CNTN3: variants seen among roughly 807,000 people sequenced by gnomAD.
The protein encoded by CNTN3 is contactin 3.
A neutral mutation model predicts 119.1 loss-of-function variants in CNTN3; 60 were observed. That is an observed-to-expected ratio of 0.50 (90% CI 0.41 to 0.62). The LOEUF (loss-of-function observed/expected upper bound fraction) is 0.62, where lower values mean the gene tolerates loss of function less well. CNTN3 is among the 20% of genes least tolerant of loss of function. CNTN3 has a pLI of 0.00. For missense variants in CNTN3, 1,101 were observed against 1,242.4 expected, an observed-to-expected ratio of 0.89 and a Z score of 1.71; for synonymous variants, 450 against 438.7, an observed-to-expected ratio of 1.03 and a Z score of -0.32.
rs572357896 is a variant in CNTN3 at position 74,549,562 on chromosome 3, T to A, written c.-80-28370A>T. Among the ~76,000 whole-genome samples, 10 of 151,768 alleles carry A rather than the reference T, an allele frequency of 6.6e-5. 1 individual carries two copies. The South Asian group carries it at 2.1e-3, about 32-fold the overall frequency. Reference sequence around the variant, plus strand: ...TGCCTCCTAGCTGGACTTTTTTTTTTAAATGGGTTCGGTGATCTGGGGCTT... The same window carrying A: ...TGCCTCCTAGCTGGACTTTTTTTTTAAAATGGGTTCGGTGATCTGGGGCTT... On this transcript the variant is annotated intron_variant, in intron 1 of 22. Transcript: ENST00000263665.
chr3:74,458,173 T>C (rs1213848481), intron 4 of CNTN3, among the ~76,000 whole-genome samples: 3 of 151,882 alleles, frequency 2.0e-5, no homozygotes, highest in Non-Finnish European at 2.9e-5. Flanking sequence ...TAGGAAGAGG[T>C]CTAGGAACAC....
chr3:74,314,105 G>C (rs1702767653), intron 13 of CNTN3, among the ~76,000 whole-genome samples: 2 of 152,072 alleles, frequency 1.3e-5, no homozygotes, highest in African/African-American at 4.8e-5. Flanking sequence ...CACTACTGTG[G>C]GAGTTAGGAT....
intron 11 of CNTN3, among the ~76,000 whole-genome samples, chr3:74,344,864 C>T (rs533749722): frequency 6.4e-4 from 88 of 136,736 alleles, no homozygotes; most frequent in African/African-American, 2.9e-3. Context: ...CATATGTATA[C>T]GTATACACAC....
At chr3:74,356,367 G>T (rs1381627258) in intron 11 of CNTN3, among the ~76,000 whole-genome samples, 1 of 151,918 alleles carries the variant, frequency 6.6e-6, no homozygotes, top group African/African-American at 2.4e-5. Flanking sequence ...TTTCTTCCTG[G>T]AATACTCTTC....
intron 2 of CNTN3, 48 bp from the exon 3 acceptor site, chr3:74,499,833 T>G: frequency 6.5e-7 from 1 of 1,533,690 alleles, no homozygotes; most frequent in African/African-American, 1.4e-5. Context: ...TAAAAGGCAT[T>G]GTAAAAAGTT....
rs1702088974 is a variant in CNTN3 at position 74,285,302 on chromosome 3, T to TA, written c.2704+2dup. 6.2e-7 allele frequency: 1 copy of TA among 1,600,938 alleles called. No homozygotes were observed. The highest frequency in any genetic ancestry group is 8.5e-7 in the Non-Finnish European group (1 of 1,175,456). ...CCATTCAAAGAAATCAGAATATACT[T>TA]ACGCGTTTTCTTGGTGGTTACATTA... On this transcript the variant is annotated splice_region_variant and intron_variant, in intron 20 of 22. Coordinates refer to ENST00000263665, the MANE Select transcript of CNTN3 (RefSeq NM_020872.3).
chr3:74,501,846 T>C (rs1703172447), intron 2 of CNTN3, among the ~76,000 whole-genome samples: 1 of 150,928 alleles, frequency 6.6e-6, no homozygotes, highest in Non-Finnish European at 1.5e-5. Context: ...CCAGAAGAAA[T>C]GGATTTTAAA....
At chr3:74,452,750 C>T (rs1365088851) in intron 4 of CNTN3, among the ~76,000 whole-genome samples, 2 of 149,364 alleles carry the variant, frequency 1.3e-5, no homozygotes, top group African/African-American at 4.9e-5. Context: ...TGTCAAAGGC[C>T]TTTTCTGCAT....
intron 17 of CNTN3, among the ~76,000 whole-genome samples, chr3:74,299,644 G>A (rs1192455385): frequency 1.3e-5 from 2 of 152,090 alleles, no homozygotes; most frequent in Non-Finnish European, 2.9e-5. Flanking sequence ...CTCAGAGAAA[G>A]TATCAAAAAA....
At chr3:74,302,928 G>A (rs1559691982) in intron 13 of CNTN3, 121 bp from the exon 14 acceptor site, 2 of 611,534 alleles carry the variant, frequency 3.3e-6, no homozygotes, top group East Asian at 5.6e-5. Context: ...GCAAACCAAG[G>A]TGGTATAAGA....
intron 1 of CNTN3, among the ~76,000 whole-genome samples, chr3:74,608,026 C>G (rs1056207985): frequency 6.6e-6 from 1 of 152,078 alleles, no homozygotes; most frequent in African/African-American, 2.4e-5. Context: ...TGTCACCATA[C>G]GGGGAAGTTG....
At chr3:74,477,654 A>C (rs1702683748) in intron 4 of CNTN3, among the ~76,000 whole-genome samples, 1 of 152,204 alleles carries the variant, frequency 6.6e-6, no homozygotes, top group Admixed American at 6.5e-5. Context: ...AGACAGAATA[A>C]GATGTGCTAA....
intron 4 of CNTN3, among the ~76,000 whole-genome samples, chr3:74,484,861 T>G (rs1290643315): frequency 6.6e-6 from 1 of 152,174 alleles, no homozygotes; most frequent in Non-Finnish European, 1.5e-5. Flanking sequence ...GTCCTCACTT[T>G]CAAGGGAATA....
chr3:74,394,767 A>G (rs1705002657), intron 5 of CNTN3, among the ~76,000 whole-genome samples: 3 of 152,150 alleles, frequency 2.0e-5, no homozygotes, highest in Admixed American at 6.5e-5. Flanking sequence ...TTTACAAACA[A>G]GAAAACCACT....
chr3:74,369,740 T>C (rs1285055567), intron 7 of CNTN3, 149 bp downstream of exon 7: 1 of 555,544 alleles, frequency 1.8e-6, no homozygotes, highest in South Asian at 2.6e-5. Flanking sequence ...CAATTTTATA[T>C]GTGCATTTCC....
chr3:74,451,513 GTTTAATT>G (rs750254258), intron 4 of CNTN3, among the ~76,000 whole-genome samples: 86 of 152,186 alleles, frequency 5.7e-4, no homozygotes, highest in Non-Finnish European at 1.1e-3. Context: ...AAGCTCTTTA[GTTTAATT>G]AGATCCCATT....
chr3:74,598,202 G>A (rs1704845144), intron 1 of CNTN3, among the ~76,000 whole-genome samples: 1 of 152,002 alleles, frequency 6.6e-6, no homozygotes, highest in Non-Finnish European at 1.5e-5. Context: ...AGATTTTCCA[G>A]CTTCCACCTT....
chr3:74,558,734 C>A (rs1430323677), intron 1 of CNTN3, among the ~76,000 whole-genome samples: 1 of 152,064 alleles, frequency 6.6e-6, no homozygotes, highest in Non-Finnish European at 1.5e-5. Context: ...GTAATCCCAG[C>A]ACTTTGGGAG....
chr3:74,407,095 T>A (rs923264884), intron 5 of CNTN3, among the ~76,000 whole-genome samples: 1 of 152,126 alleles, frequency 6.6e-6, no homozygotes, highest in Admixed American at 6.5e-5. Context: ...CAATAGGATG[T>A]TGGATGTTAA....
Sources: allele counts gnomAD v4.1 joint callset (sites outside exome capture counted in the v4.1 genomes callset), GRCh38; gene constraint gnomAD v4.1.1; transcripts MANE v1.5; gene names NCBI Gene and HGNC (gene_info 2026-07-23, HGNC 2026-07-21).